Variants in PRELID2 observed in about 807,000 individuals in gnomAD.
The protein encoded by PRELID2 is PRELI domain-containing protein 2.
Under a neutral mutation model 28.4 loss-of-function variants are expected in PRELID2, and 25 were observed. The observed-to-expected ratio is 0.88, with a 90% CI of 0.64 to 1.23. The LOEUF (loss-of-function observed/expected upper bound fraction) is 1.23, where lower values mean the gene tolerates loss of function less well. PRELID2 is among the 50% of genes most tolerant of loss of function. The pLI, the probability that PRELID2 is intolerant of heterozygous loss-of-function variation, is 0.00. For missense variants in PRELID2, 201 were observed against 214.4 expected (o/e 0.94, Z 0.39); for synonymous variants, 76 against 71.6 (o/e 1.06, Z -0.31).
chr5:145,500,021 T>C (rs911054378), intron 1 of PRELID2, among the ~76,000 whole-genome samples: 2 of 152,120 alleles, frequency 1.3e-5, no homozygotes, highest in African/African-American at 4.8e-5. Flanking sequence ...TGCTTTCCAG[T>C]GTGATGTTTG....
At chr5:145,736,929 C>T (rs1168588413) in intron 1 of PRELID2, among the ~76,000 whole-genome samples, 1 of 151,998 alleles carries the variant, frequency 6.6e-6, no homozygotes, top group Non-Finnish European at 1.5e-5. Context: ...TTCAATGTTG[C>T]TTTTCATGAT....
At chr5:145,781,315 A>G (rs567985724) in intron 5 of PRELID2, among the ~76,000 whole-genome samples, 1 of 152,178 alleles carries the variant, frequency 6.6e-6, no homozygotes, top group Non-Finnish European at 1.5e-5. Flanking sequence ...GCATCCTTAA[A>G]TGAAATTACA....
At chr5:145,788,777 C>T (rs543244783) in intron 5 of PRELID2, among the ~76,000 whole-genome samples, 3 of 152,088 alleles carry the variant, frequency 2.0e-5, no homozygotes, top group Admixed American at 2.0e-4. Context: ...CTAAAGACTC[C>T]ACCAAAAAAT....
At chr5:145,390,836 G>T in the PRELID2 span, among the ~76,000 whole-genome samples, 5 of 152,118 alleles carry the variant, frequency 3.3e-5, no homozygotes. Context: ...ATACAATGGA[G>T]CTACAGACAT....
the PRELID2 span, among the ~76,000 whole-genome samples, chr5:145,355,186 TA>T: frequency 6.6e-6 from 1 of 152,094 alleles, no homozygotes; most frequent in African/African-American, 2.4e-5. Context: ...ATTGTTTTTC[TA>T]AAAAAATACT....
At chr5:145,234,674 A>G in the PRELID2 span, among the ~76,000 whole-genome samples, 1 of 152,196 alleles carries the variant, frequency 6.6e-6, no homozygotes, top group African/African-American at 2.4e-5. Flanking sequence ...CATTTATGCC[A>G]TCTATTCCAT....
chr5:145,397,065 C>T, the PRELID2 span, among the ~76,000 whole-genome samples: 3 of 152,084 alleles, frequency 2.0e-5, no homozygotes, highest in Non-Finnish European at 4.4e-5. Flanking sequence ...ATTCTTAATA[C>T]CTACCACTAA....
chr5:145,655,747 A>T (rs573454850), intron 1 of PRELID2, among the ~76,000 whole-genome samples: 1 of 152,330 alleles, frequency 6.6e-6, no homozygotes, highest in South Asian at 2.1e-4. Flanking sequence ...ACAAAAATTA[A>T]TTCAAGATGC....
the PRELID2 span, among the ~76,000 whole-genome samples, chr5:145,294,046 C>G: frequency 6.6e-6 from 1 of 152,118 alleles, no homozygotes; most frequent in African/African-American, 2.4e-5. Context: ...AAACTCCTCT[C>G]TCTACTCGAT....
At chr5:145,299,656 T>TGTGTGC in the PRELID2 span, among the ~76,000 whole-genome samples, 1 of 151,528 alleles carries the variant, frequency 6.6e-6, no homozygotes, top group African/African-American at 2.4e-5. Context: ...TGTGTGTGTG[T>TGTGTGC]GTGTGTGTGT....
chr5:145,681,208 C>A (rs959485887), intron 1 of PRELID2, among the ~76,000 whole-genome samples: 1 of 152,150 alleles, frequency 6.6e-6, no homozygotes, highest in African/African-American at 2.4e-5. Context: ...CAGGGAGGCA[C>A]GAGCGAAAAT....
chr5:145,819,852 A>T, intron 3 of PRELID2, 93 bp downstream of exon 3: 1 of 805,750 alleles, frequency 1.2e-6, no homozygotes, highest in Non-Finnish European at 2.1e-6. Context: ...GAAGTTTCTA[A>T]CGCTCCTTTA....
chr5:145,743,304 G>A (rs779106891), intron 1 of PRELID2, among the ~76,000 whole-genome samples: 27 of 151,724 alleles, frequency 1.8e-4, no homozygotes, highest in Admixed American at 3.3e-4. Flanking sequence ...CCAGCTACTC[G>A]GGAGGCTGAG....
chr5:145,309,976 C>T, the PRELID2 span, among the ~76,000 whole-genome samples: 66 of 152,300 alleles, frequency 4.3e-4, no homozygotes, highest in African/African-American at 1.5e-3. Flanking sequence ...CTCTTAACCC[C>T]AATGCCACAG....
chr5:145,650,511 T>TATCGAATC (rs1308544451), intron 1 of PRELID2, among the ~76,000 whole-genome samples: 2 of 138,110 alleles, frequency 1.4e-5, no homozygotes, highest in Admixed American at 7.6e-5. Flanking sequence ...ATTTTGAGCA[T>TATCGAATC]ATCGAATCGC....
chr5:145,776,934 A>C (rs1174866322), intron 5 of PRELID2, among the ~76,000 whole-genome samples: 2 of 152,206 alleles, frequency 1.3e-5, no homozygotes, highest in Non-Finnish European at 2.9e-5. Flanking sequence ...TATTCCTTTC[A>C]ATAAAAAAAT....
At chr5:145,568,008 T>C (rs1305908611) in intron 1 of PRELID2, among the ~76,000 whole-genome samples, 4 of 152,158 alleles carry the variant, frequency 2.6e-5, no homozygotes, top group African/African-American at 7.2e-5. Flanking sequence ...CTACTGGTAA[T>C]TCTGGACGAT....
At chr5:145,730,865 A>G (rs1404840051) in intron 1 of PRELID2, among the ~76,000 whole-genome samples, 2 of 151,988 alleles carry the variant, frequency 1.3e-5, no homozygotes, top group South Asian at 2.1e-4. Context: ...TCGAGATGAC[A>G]TCCCTCTGGC....
chr5:145,344,972 A>G, the PRELID2 span, among the ~76,000 whole-genome samples: 6 of 152,040 alleles, frequency 3.9e-5, no homozygotes. Context: ...CTCAAGTTAG[A>G]GTCTCCTTTT....
Sources: allele counts gnomAD v4.1 joint callset (sites outside exome capture counted in the v4.1 genomes callset), GRCh38; gene constraint gnomAD v4.1.1; transcripts MANE v1.5; gene names NCBI Gene and HGNC (gene_info 2026-07-23, HGNC 2026-07-21).